CR1L: variants seen among roughly 807,000 people sequenced by gnomAD.
CR1L encodes the protein complement C3b/C4b receptor 1 like, also known as complement component receptor 1-like protein.
A neutral mutation model predicts 62.3 loss-of-function variants in CR1L; 59 were observed. That is an observed-to-expected ratio of 0.95 (90% CI 0.77 to 1.18). The LOEUF (loss-of-function observed/expected upper bound fraction) is 1.18, where lower values mean the gene tolerates loss of function less well. CR1L is among the 50% of genes most tolerant of loss of function. The pLI is 0.00. For synonymous variants in CR1L, 279 were observed against 248.7 expected (o/e 1.12, Z -1.15); for missense variants, 700 against 702.8 (o/e 1.00, Z 0.04).
intron 1 of CR1L, among the ~76,000 whole-genome samples, chr1:207,654,384 A>G (rs1439139367): frequency 6.6e-6 from 1 of 152,210 alleles, no homozygotes; most frequent in African/African-American, 2.4e-5. Flanking sequence ...AGTTTAAGAC[A>G]TGGACCCTCC....
At chr1:207,646,538 C>G (rs567818365) in intron 1 of CR1L, among the ~76,000 whole-genome samples, 13 of 151,726 alleles carry the variant, frequency 8.6e-5, no homozygotes, top group Non-Finnish European at 1.5e-5. Context: ...TGTCAAAACC[C>G]CATGTCTACA....
intron 1 of CR1L, chr1:207,669,087 A>G (rs1663567316): frequency 8.3e-6 from 2 of 241,088 alleles, no homozygotes; most frequent in Non-Finnish European, 1.6e-5. Context: ...GGAAAAGTCA[A>G]GCAGGGTGTT....
intron 7 of CR1L, 92 bp downstream of exon 7, chr1:207,697,965 C>A (rs898855921): frequency 9.2e-5 from 126 of 1,362,304 alleles, no homozygotes; most frequent in Non-Finnish European, 1.3e-4. Context: ...TAAAAAAAGA[C>A]AGACAGACAG....
At chr1:207,716,307 ACAG>A (rs1653997773) in intron 10 of CR1L, among the ~76,000 whole-genome samples, 1 of 151,864 alleles carries the variant, frequency 6.6e-6, no homozygotes, top group Admixed American at 6.6e-5. Flanking sequence ...AGTACAGTGT[ACAG>A]TGGAAGGAGC....
chr1:207,701,861 A>T (rs1324716371), intron 9 of CR1L: 7 of 666,536 alleles, frequency 1.1e-5, no homozygotes, highest in Non-Finnish European at 8.3e-6. Flanking sequence ...GGAAGGAAAA[A>T]AAATTAGGAG....
At position 207,717,702 on chromosome 1, in the gene CR1L, G is replaced by A. The variant is rs189312303; in HGVS notation, c.1642+11G>A. On this transcript the variant is annotated intron_variant, in intron 11 of 11. Coordinates refer to ENST00000508064, the MANE Select transcript of CR1L (RefSeq NM_175710.2). ...TTCCTGTTGGTGCTGGTCAGTATCC[G>A]CTTCCACATATCCTAAATGGGTTCA... The A allele has an allele frequency of 2.1e-4, 343 of 1,613,694 alleles. 1 individual carries two copies. The highest frequency in any genetic ancestry group is 6.0e-4 in the Admixed American group (36 of 60,012).
intron 1 of CR1L, among the ~76,000 whole-genome samples, chr1:207,670,176 T>C (rs1320347413): frequency 6.6e-6 from 1 of 150,882 alleles, no homozygotes; most frequent in Non-Finnish European, 1.5e-5. Flanking sequence ...AGGGATGTCC[T>C]GCATGGAACT....
At chr1:207,656,402 A>G (rs1369701145) in intron 1 of CR1L, among the ~76,000 whole-genome samples, 1 of 152,260 alleles carries the variant, frequency 6.6e-6, no homozygotes, top group Non-Finnish European at 1.5e-5. Flanking sequence ...ATATTTTCTC[A>G]TTAAATTGTC....
chr1:207,710,492 A>G (rs1227453736), intron 10 of CR1L: 11 of 1,606,870 alleles, frequency 6.8e-6, no homozygotes, highest in South Asian at 3.3e-5. Context: ...TCTTGGAAGC[A>G]GAGGGAGAAA....
At position 207,694,708 on chromosome 1, in the gene CR1L, G is replaced by A. The variant is rs1417606939; in HGVS notation, c.819G>A (p.Gln273=). The A allele has an allele frequency of 6.2e-7, 1 of 1,611,798 alleles. No individual in the cohort carries two copies. Among genetic ancestry groups the A allele is most frequent in the African/African-American group, 1.3e-5 (1 of 74,880 alleles). The change falls in exon 5 of 12, where the codon CAG becomes CAA. Residue 273 remains glutamine, a synonymous_variant. Transcript: ENST00000508064. ...GMKGPSHVKC[Q]ALNKWEPELP... The stretch of plus-strand genomic sequence containing the variant: ...AAGGGCCCTCCCATGTGAAGTGCCA[G>A]GCCCTGAACAAATGGGAGCCAGAGT...
intron 1 of CR1L, chr1:207,652,849 T>G: frequency 2.3e-6 from 1 of 444,324 alleles, no homozygotes; most frequent in Non-Finnish European, 4.1e-6. Flanking sequence ...TGAAATGAGG[T>G]TTAAGATAGC....
chr1:207,701,442 C>G, intron 8 of CR1L, 77 bp from the exon 9 acceptor site: 2 of 1,561,240 alleles, frequency 1.3e-6, no homozygotes, highest in Non-Finnish European at 1.8e-6. Context: ...CAGGAAGCTA[C>G]ATGCAGGTTG....
intron 9 of CR1L, among the ~76,000 whole-genome samples, chr1:207,705,387 A>G (rs554913240): frequency 3.3e-5 from 5 of 152,296 alleles, no homozygotes; most frequent in African/African-American, 9.6e-5. Context: ...GAAAATGTCA[A>G]GTGTCAGGTG....
chr1:207,713,645 T>G (rs1007672820), intron 10 of CR1L, among the ~76,000 whole-genome samples: 5 of 152,224 alleles, frequency 3.3e-5, no homozygotes, highest in Non-Finnish European at 7.4e-5. Context: ...GGGTTCCAGC[T>G]GGCCGCGCCA....
In CR1L at chr1:207,694,741, C is replaced by T; in HGVS notation, c.852C>T (p.Ser284=). 6.2e-7 allele frequency: 1 copy of T among 1,611,894 alleles called. No homozygotes were observed. Among genetic ancestry groups the T allele is most frequent in the Middle Eastern group, 2.3e-4 (1 of 4,430 alleles). Residue 284 remains serine (S), a synonymous_variant, in exon 5 of 12, where the codon AGC becomes AGT. Coordinates refer to ENST00000508064, the MANE Select transcript of CR1L (RefSeq NM_175710.2). ...ACAAATGGGAGCCAGAGTTACCAAG[C>T]TGCTCCAGGGGTGAGTCTGACTGAG... is the stretch of plus-strand genomic sequence containing the variant. ...ALNKWEPELP[S]CSRVCQPPPD...
intron 1 of CR1L, among the ~76,000 whole-genome samples, chr1:207,663,412 C>T (rs1053870505): frequency 7.2e-5 from 11 of 152,326 alleles, no homozygotes; most frequent in African/African-American, 2.2e-4. Context: ...TAGCAATGAG[C>T]AAGACTCCGT....
At chr1:207,651,242 A>G (rs1260450665) in intron 1 of CR1L, among the ~76,000 whole-genome samples, 2 of 151,764 alleles carry the variant, frequency 1.3e-5, no homozygotes, top group African/African-American at 4.8e-5. Flanking sequence ...AAGTCAAGAT[A>G]CTGTTTTTCT....
At chr1:207,701,460 A>T in intron 8 of CR1L, 59 bp from the exon 9 acceptor site, 1 of 1,598,350 alleles carries the variant, frequency 6.3e-7, no homozygotes, top group Non-Finnish European at 8.6e-7. Flanking sequence ...TTGAGACCTT[A>T]CGTACTGAAG....
At chr1:207,653,852 G>T (rs1392028227) in intron 1 of CR1L, among the ~76,000 whole-genome samples, 2 of 152,116 alleles carry the variant, frequency 1.3e-5, no homozygotes, top group Non-Finnish European at 2.9e-5. Flanking sequence ...AATTTATTTG[G>T]CTCATATTTC....
Sources: allele counts gnomAD v4.1 joint callset (sites outside exome capture counted in the v4.1 genomes callset), GRCh38; gene constraint gnomAD v4.1.1; transcripts MANE v1.5; gene names NCBI Gene and HGNC (gene_info 2026-07-23, HGNC 2026-07-21).